The following LNX1 variants were observed in gnomAD, a reference collection of about 807,000 sequenced individuals.
LNX1 encodes the protein E3 ubiquitin-protein ligase LNX.
In LNX1, 54 loss-of-function variants were observed where a neutral mutation model predicts 68.4. The observed-to-expected ratio is 0.79, with a 90% CI of 0.63 to 0.99. The LOEUF is 0.99. Ranked by LOEUF, LNX1 falls within the 50% of genes least tolerant of loss-of-function variation. The pLI, the probability that LNX1 is intolerant of heterozygous loss-of-function variation, is 0.00. For missense variants in LNX1, 906 were observed against 926.4 expected (o/e 0.98, Z 0.29); for synonymous variants, 336 against 350.0 (o/e 0.96, Z 0.45).
chr4:53,516,698 A>C (rs1726813489), intron 2 of LNX1, among the ~76,000 whole-genome samples: 1 of 152,190 alleles, frequency 6.6e-6, no homozygotes. Flanking sequence ...ACAGACCTGA[A>C]GTGAGATCCA....
chr4:53,617,206 T>G, intron 1 of LNX1: 1 of 152,088 alleles, frequency 6.6e-6, no homozygotes, highest in East Asian at 1.9e-4. Flanking sequence ...AGTCTAATAA[T>G]AATAATTAAA....
intron 1 of LNX1, among the ~76,000 whole-genome samples, chr4:53,581,435 G>T (rs1162968681): frequency 6.6e-6 from 1 of 151,898 alleles, no homozygotes; most frequent in Non-Finnish European, 1.5e-5. Flanking sequence ...CTTCCTCTTT[G>T]CTCACTGTAT....
rs142927302 is a variant in LNX1, at chr4:53,624,450, G to A, written c.-215+27718C>T. ...TGCCACCATGTAAGACATGTCTTTC[G>A]CCATCTGCCATGATTGTGAGTCCTC... is the stretch of plus-strand genomic sequence containing the variant. On this transcript the variant is annotated intron_variant, in intron 1 of 2. Transcript: ENST00000507168. Among the ~76,000 whole-genome samples, 460 of 152,096 alleles carry A rather than the reference G, an allele frequency of 3.0e-3. 2 individuals carry two copies. The highest frequency in any genetic ancestry group is 0.014 in the Middle Eastern group (4 of 294).
intron 2 of LNX1, among the ~76,000 whole-genome samples, chr4:53,598,293 C>A (rs1479603084): frequency 6.6e-6 from 1 of 151,142 alleles, no homozygotes. Flanking sequence ...AGTGCAGTGG[C>A]ACAATCACGG....
rs62323564 is a variant in LNX1 at position 53,474,832 on chromosome 4, T to G, written c.1892+1921A>C. Among the ~76,000 whole-genome samples, 23 of 152,136 alleles carry G rather than the reference T, an allele frequency of 1.5e-4. No individual in the cohort carries two copies. In the East Asian group the frequency reaches 4.5e-3, roughly 29 times the overall value. On this transcript the variant is annotated intron_variant, in intron 9 of 10. Coordinates refer to ENST00000263925, the MANE Select transcript of LNX1 (RefSeq NM_001126328.3). ...CCCAGGCTGGAGTGCAGTGGCGCGATCTCAGCTCACTGCAACCTCCGCCTC... is the reference window on the plus strand; with the variant it reads ...CCCAGGCTGGAGTGCAGTGGCGCGAGCTCAGCTCACTGCAACCTCCGCCTC...
chr4:53,528,995 A>G (rs1235779006), intron 2 of LNX1, among the ~76,000 whole-genome samples: 1 of 151,994 alleles, frequency 6.6e-6, no homozygotes, highest in Non-Finnish European at 1.5e-5. Context: ...TACAGAGAGA[A>G]TGCATATTGA....
intron 2 of LNX1, among the ~76,000 whole-genome samples, chr4:53,530,991 C>T (rs1205699692): frequency 6.6e-6 from 1 of 152,100 alleles, no homozygotes; most frequent in East Asian, 1.9e-4. Flanking sequence ...ATGGTAAAAC[C>T]CCGACTCCAC....
At chr4:53,520,151 C>A (rs1374274174) in intron 2 of LNX1, among the ~76,000 whole-genome samples, 1 of 152,166 alleles carries the variant, frequency 6.6e-6, no homozygotes, top group Non-Finnish European at 1.5e-5. Context: ...AGATGGGTGT[C>A]CAGAATGTCA....
rs150544065 is a variant in LNX1, at chr4:53,519,694, C to T, written c.381-11467G>A. 5.1e-4 allele frequency among the ~76,000 whole-genome samples: 77 copies of T among 152,018 alleles called. No individual in the cohort carries two copies. In the East Asian group the frequency reaches 0.013, roughly 25 times the overall value. ...ACACATGCGCGCACATGCACACACA[C>T]ACACTCCTTAACAGGCGTCAGGCTA... On this transcript the variant is annotated intron_variant, in intron 2 of 10. Coordinates refer to ENST00000263925, the MANE Select transcript of LNX1 (RefSeq NM_001126328.3).
At chr4:53,508,386 G>A (rs1360504329) in intron 2 of LNX1, 159 bp from the exon 3 acceptor site, 44 of 859,942 alleles carry the variant, frequency 5.1e-5, no homozygotes, top group Middle Eastern at 3.6e-4. Flanking sequence ...TTCACACATC[G>A]GTACTCAATA....
intron 1 of LNX1, among the ~76,000 whole-genome samples, chr4:53,646,714 C>T (rs1734894423): frequency 6.6e-6 from 1 of 152,228 alleles, no homozygotes; most frequent in East Asian, 1.9e-4. Flanking sequence ...ATGAGCCATG[C>T]TAATGTGGGG....
At chr4:53,640,211 G>T (rs115752654) in intron 1 of LNX1, among the ~76,000 whole-genome samples, 1 of 151,808 alleles carries the variant, frequency 6.6e-6, no homozygotes, top group African/African-American at 2.4e-5. Flanking sequence ...GTAGATTTAC[G>T]TATTAAAAAC....
intron 4 of LNX1, among the ~76,000 whole-genome samples, chr4:53,506,663 T>C (rs529619902): frequency 1.3e-5 from 2 of 151,984 alleles, no homozygotes; most frequent in African/African-American, 4.8e-5. Flanking sequence ...GAGACTAGCA[T>C]GACCAACATG....
chr4:53,633,299 G>A (rs191908281), intron 1 of LNX1, among the ~76,000 whole-genome samples: 11 of 152,248 alleles, frequency 7.2e-5, no homozygotes, highest in African/African-American at 2.4e-4. Context: ...CCCCATCCAC[G>A]CATGGTTCTG....
At chr4:53,552,996 C>A (rs1035166747) in intron 2 of LNX1, among the ~76,000 whole-genome samples, 1 of 152,172 alleles carries the variant, frequency 6.6e-6, no homozygotes, top group Non-Finnish European at 1.5e-5. Context: ...ATATTCCCTT[C>A]CGTAGAAACC....
chr4:53,510,718 T>C (rs1388850168), intron 2 of LNX1, among the ~76,000 whole-genome samples: 1 of 152,198 alleles, frequency 6.6e-6, no homozygotes, highest in Non-Finnish European at 1.5e-5. Context: ...TGATTAGCAG[T>C]GCATGGAAAG....
intron 2 of LNX1, among the ~76,000 whole-genome samples, chr4:53,613,182 G>C (rs1733558984): frequency 6.6e-6 from 1 of 151,326 alleles, no homozygotes; most frequent in African/African-American, 2.4e-5. Context: ...AAAGGAAAAG[G>C]AATAAAAAGA....
chr4:53,541,470 T>G (rs1035555750), intron 2 of LNX1, among the ~76,000 whole-genome samples: 1 of 151,370 alleles, frequency 6.6e-6, no homozygotes, highest in Admixed American at 6.6e-5. Context: ...TCAGCACATT[T>G]CATATATATT....
intron 7 of LNX1, among the ~76,000 whole-genome samples, chr4:53,479,951 G>A (rs1378687604): frequency 2.0e-5 from 3 of 152,172 alleles, no homozygotes; most frequent in Admixed American, 1.3e-4. Context: ...TCTGCTCATA[G>A]GCCTTGCCTC....
Sources: allele counts gnomAD v4.1 joint callset (sites outside exome capture counted in the v4.1 genomes callset), GRCh38; gene constraint gnomAD v4.1.1; transcripts MANE v1.5; gene names NCBI Gene and HGNC (gene_info 2026-07-23, HGNC 2026-07-21).